The following LEF1 variants were observed in gnomAD, a reference collection of about 807,000 sequenced individuals.
The protein encoded by LEF1 is lymphoid enhancer-binding factor 1.
A neutral mutation model predicts 51.2 loss-of-function variants in LEF1; 14 were observed. The ratio of observed to expected loss-of-function variants is 0.27; its 90% confidence interval spans 0.18 to 0.43. The LOEUF (loss-of-function observed/expected upper bound fraction) is 0.43, where lower values mean the gene tolerates loss of function less well. LEF1 is among the 20% of genes least tolerant of loss of function. The pLI is 1.00. For synonymous variants in LEF1, 185 were observed against 183.2 expected, an observed-to-expected ratio of 1.01 and a Z score of -0.08; for missense variants, 386 against 512.0, an observed-to-expected ratio of 0.75 and a Z score of 2.37.
chr4:108,056,918 A>C (rs1737343027), intron 11 of LEF1, among the ~76,000 whole-genome samples: 1 of 151,976 alleles, frequency 6.6e-6, no homozygotes, highest in Non-Finnish European at 1.5e-5. Context: ...AAAAAAAAAA[A>C]AAAAAACCAC....
intron 11 of LEF1, among the ~76,000 whole-genome samples, chr4:108,051,123 A>G (rs1488083659): frequency 1.3e-5 from 2 of 152,200 alleles, no homozygotes; most frequent in African/African-American, 4.8e-5. Flanking sequence ...ATTTCTTTCC[A>G]CAGTCTCACA....
At chr4:108,089,542 G>A (rs1289819242) in intron 3 of LEF1, among the ~76,000 whole-genome samples, 1 of 152,120 alleles carries the variant, frequency 6.6e-6, no homozygotes, top group Non-Finnish European at 1.5e-5. Flanking sequence ...CATATGGCAT[G>A]AATTTCTGTA....
chr4:108,110,705 T>C (rs1299325690), intron 3 of LEF1, among the ~76,000 whole-genome samples: 1 of 152,182 alleles, frequency 6.6e-6, no homozygotes, highest in Non-Finnish European at 1.5e-5. Context: ...CTCCCTTCCA[T>C]CATCCTCGTT....
At chr4:108,066,208 G>A (rs1738068649) in intron 9 of LEF1, among the ~76,000 whole-genome samples, 1 of 152,212 alleles carries the variant, frequency 6.6e-6, no homozygotes, top group Non-Finnish European at 1.5e-5. Context: ...GGAGTAGAGA[G>A]GGAGTGCACG....
chr4:108,167,864 T>A lies in LEF1; in HGVS notation c.-97A>T. The A allele has an allele frequency of 5.4e-6, 6 of 1,101,182 alleles. No homozygotes were observed. The highest frequency in any genetic ancestry group is 7.9e-6 in the Non-Finnish European group (6 of 756,688). The allele number at this position is 1,101,182 out of a possible 1,614,324, so 68.2% of individuals were successfully genotyped here. A position where few individuals can be genotyped will look rare whatever the true frequency, so the allele number is the denominator to read the frequency against. ...TCAAGGGTGGGGGAGGAAAGGAGAG[T>A]TGGAAGGGTTCGTGCAGCAGGACAG... On this transcript the variant is annotated 5_prime_UTR_variant, in exon 1 of 12. Transcript: ENST00000265165. This position sits in a 1 kb window ranked among gnomAD's most constrained non-coding sequence, Gnocchi z 5.7.
At chr4:108,106,539 G>A (rs889595111) in intron 3 of LEF1, among the ~76,000 whole-genome samples, 6 of 152,142 alleles carry the variant, frequency 3.9e-5, no homozygotes, top group Non-Finnish European at 5.9e-5. Context: ...GCAAGCCAGC[G>A]ACAATATGGT....
At chr4:108,088,015 A>C (rs2110264557) in intron 4 of LEF1, among the ~76,000 whole-genome samples, 1 of 152,262 alleles carries the variant, frequency 6.6e-6, no homozygotes, top group African/African-American at 2.4e-5. Flanking sequence ...ACAGAAGCAA[A>C]CCTAGAAATG....
chr4:108,105,181 C>CTTTT (rs5860896), intron 3 of LEF1, among the ~76,000 whole-genome samples: 2 of 131,386 alleles, frequency 1.5e-5, no homozygotes, highest in Non-Finnish European at 3.2e-5. Context: ...GAAGAATCCA[C>CTTTT]TTTTTTTTTT....
chr4:108,088,614 C>T (rs780431669), intron 4 of LEF1, among the ~76,000 whole-genome samples: 8 of 152,146 alleles, frequency 5.3e-5, no homozygotes, highest in Admixed American at 6.5e-5. Context: ...ATAAGATTCA[C>T]GATTCTTGGA....
intron 11 of LEF1, among the ~76,000 whole-genome samples, chr4:108,058,568 C>T (rs549567501): frequency 9.2e-5 from 14 of 152,312 alleles, no homozygotes; most frequent in Non-Finnish European, 2.1e-4. Context: ...ATCAAACCCC[C>T]AAATTCCGCC....
intron 11 of LEF1, among the ~76,000 whole-genome samples, chr4:108,059,616 A>G (rs6826687): frequency 0.88 from 134,645 of 152,160 alleles, 60,148 homozygotes; most frequent in East Asian, 0.97. Context: ...CACTGCTTCT[A>G]GCCTAGCTTT....
chr4:108,146,712 A>C (rs1744015280), intron 3 of LEF1, among the ~76,000 whole-genome samples: 1 of 151,828 alleles, frequency 6.6e-6, no homozygotes, highest in South Asian at 2.1e-4. Context: ...TATCCTAAAA[A>C]CTCCGACAAG....
chr4:108,082,613 T>C (rs72894349), intron 5 of LEF1, among the ~76,000 whole-genome samples: 8,608 of 151,932 alleles, frequency 0.057, 824 homozygotes, highest in African/African-American at 0.19. Context: ...GGAGGGAGAA[T>C]TGGAGAGGGA....
At chr4:108,141,932 A>T (rs1743686184) in intron 3 of LEF1, among the ~76,000 whole-genome samples, 1 of 152,208 alleles carries the variant, frequency 6.6e-6, no homozygotes, top group Non-Finnish European at 1.5e-5. Context: ...TTAAAGCAGC[A>T]CAAAAGGCCC....
At chr4:108,050,747 A>G (rs1266825896) in intron 11 of LEF1, among the ~76,000 whole-genome samples, 1 of 152,208 alleles carries the variant, frequency 6.6e-6, no homozygotes, top group African/African-American at 2.4e-5. Flanking sequence ...TGGGACTCAG[A>G]ATAGACTCGC....
At chr4:108,127,121 G>A (rs1456916941) in intron 3 of LEF1, among the ~76,000 whole-genome samples, 1 of 136,034 alleles carries the variant, frequency 7.4e-6, no homozygotes, top group African/African-American at 2.7e-5. Context: ...TTTTTCATGT[G>A]TAATGGGGGC....
chr4:108,072,156 C>T (rs1738516108), intron 8 of LEF1: 3 of 152,114 alleles, frequency 2.0e-5, no homozygotes, highest in Admixed American at 2.0e-4. Flanking sequence ...TTTGATCTCC[C>T]TGTTCATGTT....
At chr4:108,100,335 C>T (rs764236448) in intron 3 of LEF1, among the ~76,000 whole-genome samples, 21 of 152,064 alleles carry the variant, frequency 1.4e-4, no homozygotes, top group Admixed American at 3.9e-4. Flanking sequence ...TTTTAAAAGA[C>T]TTTCAATTCT....
chr4:108,118,372 CA>C lies in LEF1; in HGVS notation c.415-29116del, dbSNP rs1482268217. On this transcript the variant is annotated intron_variant, in intron 3 of 11. Transcript: ENST00000265165. Reference sequence around the variant, plus strand: ...CTCAACAGATCGATTTGTCAACAGTCAAGTTCCATACATTTTATACAAAAAT... The same window carrying C: ...CTCAACAGATCGATTTGTCAACAGTCAGTTCCATACATTTTATACAAAAAT... Among the ~76,000 whole-genome samples the C allele has an allele frequency of 8.5e-5, 13 of 152,338 alleles. 1 individual carries two copies. The East Asian group carries it at 2.3e-3, about 27-fold the overall frequency.
Sources: gnomAD v4.1 joint callset for allele counts (sites outside exome capture counted in the v4.1 genomes callset) on GRCh38, gnomAD v4.1.1 for gene constraint, Gnocchi (gnomAD v3.1) non-coding constraint, MANE v1.5 for transcripts, NCBI Gene and HGNC (gene_info 2026-07-23, HGNC 2026-07-21) for gene names.